The following CCSER1 variants were observed in gnomAD, a reference collection of about 807,000 sequenced individuals.
The protein encoded by CCSER1 is serine-rich coiled-coil domain-containing protein 1.
Under a neutral mutation model 82.0 loss-of-function variants are expected in CCSER1, and 41 were observed. The observed-to-expected ratio is 0.50, with a 90% CI of 0.39 to 0.65. CCSER1 has a LOEUF of 0.65. Among genes scored for constraint, CCSER1 ranks in the 30% least tolerant of loss-of-function variants. The pLI, the probability that CCSER1 is intolerant of heterozygous loss-of-function variation, is 0.00. For synonymous variants in CCSER1, 414 were observed against 383.9 expected, an observed-to-expected ratio of 1.08 and a Z score of -0.92; for missense variants, 1,119 against 1,064.2, an observed-to-expected ratio of 1.05 and a Z score of -0.72.
At chr4:91,034,680 C>A (rs4693255) in intron 9 of CCSER1, among the ~76,000 whole-genome samples, 10 of 151,796 alleles carry the variant, frequency 6.6e-5, no homozygotes, top group African/African-American at 1.9e-4. Context: ...TTATATCACT[C>A]TAGTTTCATC....
intron 10 of CCSER1, among the ~76,000 whole-genome samples, chr4:91,377,607 T>C (rs1310857899): frequency 1.3e-5 from 2 of 152,220 alleles, no homozygotes; most frequent in Non-Finnish European, 2.9e-5. Context: ...TTTGTTTTTT[T>C]CTTGTAAATT....
chr4:91,120,833 C>A (rs1381801859), intron 10 of CCSER1, among the ~76,000 whole-genome samples: 1 of 151,672 alleles, frequency 6.6e-6, no homozygotes, highest in African/African-American at 2.4e-5. Flanking sequence ...AAAATGATAT[C>A]CAGAAACTAA....
At chr4:90,921,610 C>T (rs889790910) in intron 8 of CCSER1, among the ~76,000 whole-genome samples, 4 of 151,910 alleles carry the variant, frequency 2.6e-5, no homozygotes, top group African/African-American at 9.7e-5. Flanking sequence ...TCTTATAACT[C>T]AGAGCAGTAA....
chr4:90,279,530 G>GA (rs1440006851), intron 1 of CCSER1, among the ~76,000 whole-genome samples: 1 of 151,996 alleles, frequency 6.6e-6, no homozygotes, highest in African/African-American at 2.4e-5. Context: ...TTGAATGAAA[G>GA]ATTTAGTGTA....
At chr4:91,230,252 A>G (rs1371521397) in intron 10 of CCSER1, among the ~76,000 whole-genome samples, 2 of 152,126 alleles carry the variant, frequency 1.3e-5, no homozygotes, top group Non-Finnish European at 2.9e-5. Context: ...ACAATTATGT[A>G]ATTATAAAAT....
At chr4:91,325,533 A>T (rs1223888925) in intron 10 of CCSER1, among the ~76,000 whole-genome samples, 1 of 152,128 alleles carries the variant, frequency 6.6e-6, no homozygotes, top group Non-Finnish European at 1.5e-5. Flanking sequence ...GAAGAAGGAG[A>T]CCAAATCAAC....
intron 1 of CCSER1, among the ~76,000 whole-genome samples, chr4:90,136,294 A>G (rs1578139853): frequency 6.6e-6 from 1 of 152,232 alleles, no homozygotes; most frequent in Middle Eastern, 3.4e-3. Context: ...TCGAGGCTGC[A>G]GTGAGCTATG....
At chr4:90,616,767 G>A (rs1006197514) in intron 5 of CCSER1, among the ~76,000 whole-genome samples, 18 of 149,690 alleles carry the variant, frequency 1.2e-4, no homozygotes, top group African/African-American at 3.5e-4. Flanking sequence ...GGGAGAGAGA[G>A]AAAAAATGTT....
intron 6 of CCSER1, among the ~76,000 whole-genome samples, chr4:90,652,102 A>G (rs1728861650): frequency 6.6e-6 from 1 of 152,152 alleles, no homozygotes; most frequent in Non-Finnish European, 1.5e-5. Context: ...AAAATATCAG[A>G]CCCCTCACAG....
chr4:91,440,351 G>C (rs1363971066), intron 10 of CCSER1, among the ~76,000 whole-genome samples: 1 of 152,086 alleles, frequency 6.6e-6, no homozygotes, highest in East Asian at 1.9e-4. Flanking sequence ...TGAACAATCT[G>C]CTCCTGAATG....
intron 10 of CCSER1, among the ~76,000 whole-genome samples, chr4:91,592,319 G>A (rs552391319): frequency 2.0e-4 from 31 of 152,198 alleles, no homozygotes; most frequent in African/African-American, 7.5e-4. Flanking sequence ...AGCAGCATGG[G>A]GGTAACTGCC....
intron 5 of CCSER1, among the ~76,000 whole-genome samples, chr4:90,535,049 C>T (rs1350819816): frequency 6.6e-6 from 1 of 152,036 alleles, no homozygotes; most frequent in Non-Finnish European, 1.5e-5. Context: ...TGCTTAGATT[C>T]ATCAGGAATA....
At chr4:91,545,335 C>T (rs1003223593) in intron 10 of CCSER1, among the ~76,000 whole-genome samples, 26 of 152,092 alleles carry the variant, frequency 1.7e-4, no homozygotes, top group Non-Finnish European at 2.8e-4. Flanking sequence ...ACCCACTGTC[C>T]GACAAGCCCC....
rs1745970487 is a variant in CCSER1 at position 90,237,262 on chromosome 4, C to T, written c.-41-70982C>T. Among the ~76,000 whole-genome samples the T allele has an allele frequency of 2.0e-5, 3 of 152,174 alleles. No homozygotes were observed. In the South Asian group the frequency reaches 6.2e-4, roughly 31 times the overall value. On this transcript the variant is annotated intron_variant, in intron 1 of 10. Coordinates refer to ENST00000509176, the MANE Select transcript of CCSER1 (RefSeq NM_001145065.2). ...AAGAATTTCGAAATTTGTAGGAAGA[C>T]AAATGGCATTTATAAATATTAGAGT...
intron 8 of CCSER1, among the ~76,000 whole-genome samples, chr4:90,851,565 T>A (rs1763895855): frequency 6.7e-6 from 1 of 148,880 alleles, no homozygotes; most frequent in South Asian, 2.1e-4. Flanking sequence ...TATTGGCTAC[T>A]TATAGAGCTT....
intron 7 of CCSER1, among the ~76,000 whole-genome samples, chr4:90,770,769 T>G (rs770349684): frequency 1.5e-4 from 23 of 152,058 alleles, no homozygotes; most frequent in Non-Finnish European, 2.5e-4. Flanking sequence ...GTTTTCTGTC[T>G]CACACATGTA....
chr4:90,932,986 A>AAGAAAGAAGG lies in CCSER1; in HGVS notation c.2172+9547_2172+9548insGGAGAAAGAA, dbSNP rs1730250337. ...AGAAAGAAAGAAAGAAAGAAAGAGAAAGAAAGAAAGAAAGAAAGAAAGAAA... is the reference window on the plus strand; with the variant it reads ...AGAAAGAAAGAAAGAAAGAAAGAGAAAGAAAGAAGGAGAAAGAAAGAAAGAAAGAAAGAAA... On this transcript the variant is annotated intron_variant, in intron 9 of 10. Coordinates refer to ENST00000509176, the MANE Select transcript of CCSER1 (RefSeq NM_001145065.2). Among the ~76,000 whole-genome samples, 2 of 29,166 alleles carry AAGAAAGAAGG rather than the reference A, an allele frequency of 6.9e-5. 1 individual carries two copies. Among genetic ancestry groups the AAGAAAGAAGG allele is most frequent in the Non-Finnish European group, 1.3e-4 (2 of 14,916 alleles). The allele number at this position is 29,166 out of a possible 152,430, so 19.1% of individuals were successfully genotyped here.
At chr4:91,242,073 T>C (rs1739415850) in intron 10 of CCSER1, among the ~76,000 whole-genome samples, 1 of 152,122 alleles carries the variant, frequency 6.6e-6, no homozygotes, top group East Asian at 1.9e-4. Flanking sequence ...GAAAACCTCT[T>C]TAAACTAAAG....
At chr4:90,170,672 C>T (rs1302442355) in intron 1 of CCSER1, among the ~76,000 whole-genome samples, 1 of 151,704 alleles carries the variant, frequency 6.6e-6, no homozygotes, top group African/African-American at 2.4e-5. Flanking sequence ...ACCTCTAGTT[C>T]CGTCCATGTT....
Sources: allele counts gnomAD v4.1 joint callset (sites outside exome capture counted in the v4.1 genomes callset), GRCh38; gene constraint gnomAD v4.1.1; transcripts MANE v1.5; gene names NCBI Gene and HGNC (gene_info 2026-07-23, HGNC 2026-07-21).